Variants in EML6 observed in about 807,000 individuals in gnomAD.
EML6 encodes the protein echinoderm microtubule-associated protein-like 6.
Under a neutral mutation model 240.1 loss-of-function variants are expected in EML6, and 154 were observed. The observed-to-expected ratio is 0.64, with a 90% confidence interval of 0.56 to 0.73. The LOEUF (loss-of-function observed/expected upper bound fraction) is 0.73, where lower values mean the gene tolerates loss of function less well. Among genes scored for constraint, EML6 ranks in the 30% least tolerant of loss-of-function variants. EML6 has a pLI of 0.00. For synonymous variants in EML6, 1,148 were observed against 899.0 expected, an observed-to-expected ratio of 1.28 and a Z score of -4.95; for missense variants, 2,964 against 2,474.6, an observed-to-expected ratio of 1.20 and a Z score of -4.20.
At chr2:54,795,328 G>C (rs1340427612) in intron 2 of EML6, among the ~76,000 whole-genome samples, 1 of 152,164 alleles carries the variant, frequency 6.6e-6, no homozygotes, top group African/African-American at 2.4e-5. Context: ...GTGGGGAGGT[G>C]CCACACTTGA....
Position 54,943,171 on chromosome 2 carries a change from G to A in EML6, c.4005-5711G>A, listed in dbSNP as rs79599204. Among the ~76,000 whole-genome samples the A allele has an allele frequency of 4.1e-3, 621 of 152,302 alleles. 6 individuals carry two copies. Among genetic ancestry groups the A allele is most frequent in the Middle Eastern group, 6.8e-3 (2 of 294 alleles). On this transcript the variant is annotated intron_variant, in intron 28 of 41. Transcript: ENST00000356458. ...CTGAGAAAACAGAAGCCACTGGCAC[G>A]CATTCCATCTTGGTGCTTCTTTCTC...
chr2:54,940,332 TA>T (rs528265994), intron 28 of EML6, among the ~76,000 whole-genome samples: 24 of 152,330 alleles, frequency 1.6e-4, no homozygotes, highest in African/African-American at 5.5e-4. Flanking sequence ...ACTGTGGGCT[TA>T]AAAAAATTTT....
chr2:54,894,899 A>T lies in EML6; in HGVS notation c.2743-16A>T. The stretch of plus-strand genomic sequence containing the variant: ...TTTTGATGTGTATATAATACCTCTC[A>T]TGTGTGCCTTCACAGGGCTTTGTAA... On this transcript the variant is annotated splice_polypyrimidine_tract_variant and intron_variant, in intron 19 of 41. Coordinates refer to ENST00000356458, the MANE Select transcript of EML6 (RefSeq NM_001039753.4). The T allele has an allele frequency of 6.5e-7, 1 of 1,529,112 alleles. No homozygotes were observed. Among genetic ancestry groups the T allele is most frequent in the Non-Finnish European group, 8.9e-7 (1 of 1,126,656 alleles). The allele number at this position is 1,529,112 out of a possible 1,614,324, so 94.7% of individuals were successfully genotyped here. A position where few individuals can be genotyped will look rare whatever the true frequency, so the allele number is the denominator to read the frequency against.
rs528720916 is a variant in EML6 at position 54,785,637 on chromosome 2, C to G, written c.198-27595C>G. ...ACATTTATCTCGACTGTGAATGATTCCATGTACTGTCTGTGTGTAAGTTTT... is the reference window on the plus strand; with the variant it reads ...ACATTTATCTCGACTGTGAATGATTGCATGTACTGTCTGTGTGTAAGTTTT... On this transcript the variant is annotated intron_variant, in intron 2 of 41. Coordinates refer to ENST00000356458, the MANE Select transcript of EML6 (RefSeq NM_001039753.4). Among the ~76,000 whole-genome samples the G allele has an allele frequency of 8.5e-5, 13 of 152,224 alleles. No individual in the cohort carries two copies. In the South Asian group the frequency reaches 2.5e-3, roughly 29 times the overall value.
At chr2:54,890,473 G>C (rs1193717038) in intron 17 of EML6, among the ~76,000 whole-genome samples, 1 of 152,082 alleles carries the variant, frequency 6.6e-6, no homozygotes, top group African/African-American at 2.4e-5. Flanking sequence ...CTGCCCCTTA[G>C]GTTATAAACC....
At chr2:54,917,300 A>G (rs1167420907) in intron 26 of EML6, among the ~76,000 whole-genome samples, 13 of 150,732 alleles carry the variant, frequency 8.6e-5, no homozygotes. Context: ...AATACCTCCA[A>G]TTGTTAAAAC....
chr2:54,823,197 C>A (rs528139525), intron 5 of EML6, among the ~76,000 whole-genome samples: 27 of 152,318 alleles, frequency 1.8e-4, no homozygotes, highest in Non-Finnish European at 1.8e-4. Flanking sequence ...TCAAAGCCCT[C>A]TATCGATAAA....
chr2:54,758,601 T>C (rs1458548975), intron 2 of EML6, among the ~76,000 whole-genome samples: 1 of 152,218 alleles, frequency 6.6e-6, no homozygotes, highest in African/African-American at 2.4e-5. Context: ...GTAGTACTTA[T>C]TACCCTGTAG....
intron 2 of EML6, among the ~76,000 whole-genome samples, chr2:54,785,434 C>A (rs1669039164): frequency 6.6e-6 from 1 of 152,134 alleles, no homozygotes; most frequent in South Asian, 2.1e-4. Flanking sequence ...CTCGGCCTCC[C>A]AGAGTTACTG....
chr2:54,779,630 G>A (rs972389744), intron 2 of EML6, among the ~76,000 whole-genome samples: 8 of 151,764 alleles, frequency 5.3e-5, no homozygotes, highest in African/African-American at 9.7e-5. Flanking sequence ...GGGAGGCTGA[G>A]GCAGGTCGAT....
chr2:54,867,334 A>C (rs1203164181), intron 14 of EML6: 1 of 153,024 alleles, frequency 6.5e-6, no homozygotes, highest in Non-Finnish European at 1.5e-5. Context: ...TGCATATTTT[A>C]AGTAGACAAC....
At chr2:54,911,457 T>G (rs980679483) in intron 25 of EML6, among the ~76,000 whole-genome samples, 2 of 149,426 alleles carry the variant, frequency 1.3e-5, no homozygotes, top group Non-Finnish European at 3.0e-5. Flanking sequence ...TGAGGTGGAG[T>G]CTTGCTCTTT....
chr2:54,742,437 A>G (rs1370378131), intron 2 of EML6, among the ~76,000 whole-genome samples: 1 of 152,200 alleles, frequency 6.6e-6, no homozygotes, highest in African/African-American at 2.4e-5. Flanking sequence ...CTACAGTGTC[A>G]CCATCTCTGT....
intron 7 of EML6, among the ~76,000 whole-genome samples, chr2:54,834,612 G>C (rs1201336059): frequency 1.3e-5 from 2 of 152,290 alleles, no homozygotes; most frequent in South Asian, 4.1e-4. Context: ...GGTGTGAGTG[G>C]AGGTCGGGGG....
chr2:54,835,007 C>T (rs188344311), intron 7 of EML6, among the ~76,000 whole-genome samples: 46 of 152,354 alleles, frequency 3.0e-4, no homozygotes, highest in Non-Finnish European at 5.9e-4. Context: ...CACCACCCTC[C>T]GCATTGCGCT....
intron 7 of EML6, among the ~76,000 whole-genome samples, chr2:54,836,601 G>T (rs1380747226): frequency 6.6e-6 from 1 of 152,018 alleles, no homozygotes; most frequent in African/African-American, 2.4e-5. Flanking sequence ...GGCCTTTGTG[G>T]TACACACTCT....
intron 7 of EML6, among the ~76,000 whole-genome samples, chr2:54,843,379 C>T (rs1660233420): frequency 6.6e-6 from 1 of 151,984 alleles, no homozygotes; most frequent in African/African-American, 2.4e-5. Flanking sequence ...CAGTGAGCTA[C>T]AGTGCTACCA....
intron 2 of EML6, among the ~76,000 whole-genome samples, chr2:54,772,238 A>G (rs1428657822): frequency 2.0e-5 from 3 of 152,202 alleles, no homozygotes; most frequent in Non-Finnish European, 2.9e-5. Context: ...AGAGCTTCCA[A>G]TCTAATAGGA....
At position 54,850,140 on chromosome 2, in the gene EML6, C is replaced by T. The variant is rs1208198692; in HGVS notation, c.1366C>T (p.His456Tyr). ...ECSKSLSFIT[H>Y]IDWSLDSKYL... ...CAGCAAGTCCCTTAGTTTCATCACG[C>T]ATATTGACTGGTCCTTGGATAGTAA... is the stretch of plus-strand genomic sequence containing the variant. Residue 456 changes from histidine (H) to tyrosine (Y), a missense_variant, in exon 10 of 42, where the codon CAT becomes TAT. His to Tyr is a moderately conservative substitution (Grantham distance 83, BLOSUM62 2). Transcript: ENST00000356458. 6.4e-7 allele frequency: 1 copy of T among 1,551,566 alleles called. No individual in the cohort carries two copies. Among genetic ancestry groups the T allele is most frequent in the Admixed American group, 2.0e-5 (1 of 50,998 alleles).
Sources: gnomAD v4.1 joint callset for allele counts (sites outside exome capture counted in the v4.1 genomes callset) on GRCh38, gnomAD v4.1.1 for gene constraint, MANE v1.5 for transcripts, NCBI Gene and HGNC (gene_info 2026-07-23, HGNC 2026-07-21) for gene names.